The following ZNF225 variants were observed in gnomAD, a reference collection of about 807,000 sequenced individuals.
ZNF225 encodes the protein zinc finger protein 225.
ZNF225 carries 6 observed loss-of-function variants against 12.0 expected under a neutral mutation model. The observed-to-expected ratio is 0.50, with a 90% confidence interval of 0.27 to 0.98. The LOEUF is 0.98. ZNF225 is among the 50% of genes least tolerant of loss of function. ZNF225 has a pLI of 0.11. For missense variants in ZNF225, 763 were observed against 848.2 expected (o/e 0.90, Z 1.25); for synonymous variants, 271 against 283.2 (o/e 0.96, Z 0.43).
intron 4 of ZNF225, among the ~76,000 whole-genome samples, chr19:44,123,793 T>C (rs914929550): frequency 6.6e-6 from 1 of 152,224 alleles, no homozygotes; most frequent in Non-Finnish European, 1.5e-5. Context: ...GTGTTCACAG[T>C]AGCCTAGAAT....
intron 2 of ZNF225, among the ~76,000 whole-genome samples, chr19:44,116,475 T>A (rs141138833): frequency 6.6e-6 from 1 of 152,304 alleles, no homozygotes; most frequent in Non-Finnish European, 1.5e-5. Flanking sequence ...ACCATAGTCA[T>A]GATAGAAAAT....
At chr19:44,117,651 C>T (rs1019735651) in intron 2 of ZNF225, among the ~76,000 whole-genome samples, 12 of 152,208 alleles carry the variant, frequency 7.9e-5, no homozygotes, top group Non-Finnish European at 1.3e-4. Context: ...TACAGGAGGT[C>T]TTTTCCATCA....
intron 2 of ZNF225, among the ~76,000 whole-genome samples, chr19:44,117,838 G>T (rs1186893277): frequency 6.6e-6 from 1 of 152,104 alleles, no homozygotes; most frequent in Admixed American, 6.5e-5. Flanking sequence ...GGCCAATGTG[G>T]TGAAACCCCA....
chr19:44,129,302 C>T (rs1472297482), intron 4 of ZNF225: 1 of 387,112 alleles, frequency 2.6e-6, no homozygotes, highest in African/African-American at 2.1e-5. Context: ...ATGACAAATT[C>T]AGTGGTTTCC....
intron 2 of ZNF225, among the ~76,000 whole-genome samples, chr19:44,117,745 G>T (rs1178766415): frequency 6.6e-6 from 1 of 152,180 alleles, no homozygotes; most frequent in Non-Finnish European, 1.5e-5. Flanking sequence ...CTGGCTGGGC[G>T]CAGTGGCTCA....
In ZNF225 at chr19:44,131,574, A is replaced by T. The variant is rs748740525; in HGVS notation, c.960A>T (p.Thr320=). 6.2e-7 allele frequency: 1 copy of T among 1,614,164 alleles called. No homozygotes were observed. Among genetic ancestry groups the T allele is most frequent in the East Asian group, 2.2e-5 (1 of 44,884 alleles). Residue 320 remains threonine, a synonymous_variant, in exon 5 of 5, where the codon ACA becomes ACT. Transcript: ENST00000262894. ...HMREKPFRCD[T]CGKSFGLKSA... ...GAGAGAAACCATTCAGATGTGATAC[A>T]TGTGGTAAGAGCTTTGGTCTGAAAT...
At chr19:44,118,966 G>A (rs1008857334) in intron 4 of ZNF225, among the ~76,000 whole-genome samples, 30 of 152,100 alleles carry the variant, frequency 2.0e-4, no homozygotes, top group South Asian at 1.0e-3. Flanking sequence ...ACAGATGCCC[G>A]CCACCACGCC....
At chr19:44,120,704 A>C (rs757832100) in intron 4 of ZNF225, among the ~76,000 whole-genome samples, 5 of 151,980 alleles carry the variant, frequency 3.3e-5, no homozygotes, top group Non-Finnish European at 5.9e-5. Context: ...TTGGAGCTTT[A>C]TGTTTTTATT....
Position 44,118,591 on chromosome 19 carries a change from T to C in ZNF225, c.235+17T>C. The C allele has an allele frequency of 1.2e-6, 2 of 1,606,206 alleles. No homozygotes were observed. Among genetic ancestry groups the C allele is most frequent in the South Asian group, 1.1e-5 (1 of 90,974 alleles). On this transcript the variant is annotated intron_variant, in intron 4 of 4. Transcript: ENST00000262894. ...GGAATTTAGGTAAGAAGCAAGCAAC[T>C]CTGTGTCCTTGTGCGTGACTCTCCC...
chr19:44,118,507 T>C lies in ZNF225; in HGVS notation c.168T>C (p.Thr56=), dbSNP rs762208576. 6.2e-6 allele frequency: 10 copies of C among 1,613,588 alleles called. No individual in the cohort carries two copies. The African/African-American group carries it at 8.0e-5, about 13-fold the overall frequency. Residue 56 remains threonine (T), a synonymous_variant, in exon 4 of 5, where the codon ACT becomes ACC. Coordinates refer to ENST00000262894, the MANE Select transcript of ZNF225 (RefSeq NM_013362.4). ...SVGHQSLHRD[T]FHFLKEEKFW... is the part of the protein sequence containing the mutation. ...GGCATCAATCACTCCACAGAGATAC[T>C]TTCCACTTCCTAAAGGAAGAAAAGT... is the stretch of plus-strand genomic sequence containing the variant.
At chr19:44,113,049 C>G (rs546692880), upstream of ZNF225, 1 of 152,286 alleles carries the variant, frequency 6.6e-6, no homozygotes, top group South Asian at 2.1e-4. Context: ...GTGGGCACCT[C>G]GGAGTGGCAA....
chr19:44,115,755 T>G lies in ZNF225; in HGVS notation c.-68-5T>G. On this transcript the variant is annotated splice_region_variant and splice_polypyrimidine_tract_variant and intron_variant, in intron 1 of 4. Transcript: ENST00000262894. ...TCTTTTTCTGCCTTCCCTGGTACTT[T>G]CCAGGCAGGATTCTGCTTTCCCTTG... The G allele has an allele frequency of 2.0e-6, 3 of 1,498,448 alleles. No homozygotes were observed. Among genetic ancestry groups the G allele is most frequent in the Non-Finnish European group, 2.7e-6 (3 of 1,102,008 alleles). 92.8% of individuals were successfully genotyped at this position (1,498,448 alleles called of 1,614,324 possible).
chr19:44,119,819 G>A (rs775725860), intron 4 of ZNF225, among the ~76,000 whole-genome samples: 1 of 152,138 alleles, frequency 6.6e-6, no homozygotes, highest in Non-Finnish European at 1.5e-5. Flanking sequence ...TTGCTTTTCT[G>A]TCTGATCAGA....
At position 44,132,702 on chromosome 19, in the gene ZNF225, T is replaced by TA. The variant is rs1968311350; in HGVS notation, c.2089dup (p.Thr697AsnfsTer9). ...GCTACAAGAGGCGCTTGAATCTTGA[T>TA]ACGCTTTTGTCATTATTTTTAAATG... On this transcript the variant is annotated frameshift_variant, in exon 5 of 5. Transcript: ENST00000262894. LOFTEE classifies it high-confidence loss of function. The TA allele has an allele frequency of 4.4e-6, 7 of 1,606,646 alleles. No individual in the cohort carries two copies. The highest frequency in any genetic ancestry group is 5.9e-6 in the Non-Finnish European group (7 of 1,177,480).
intron 1 of ZNF225, among the ~76,000 whole-genome samples, chr19:44,115,116 T>C (rs1967915549): frequency 6.6e-6 from 1 of 152,198 alleles, no homozygotes. Flanking sequence ...CTATAAATAT[T>C]CTATCAGTGT....
At chr19:44,122,883 C>T (rs1968081977) in intron 4 of ZNF225, among the ~76,000 whole-genome samples, 1 of 152,034 alleles carries the variant, frequency 6.6e-6, no homozygotes, top group Non-Finnish European at 1.5e-5. Context: ...TTTATCAGTT[C>T]CAGGAGCTTT....
chr19:44,122,416 G>A (rs1968073128), intron 4 of ZNF225, among the ~76,000 whole-genome samples: 1 of 152,166 alleles, frequency 6.6e-6, no homozygotes, highest in Non-Finnish European at 1.5e-5. Flanking sequence ...AGTATAGTTT[G>A]AAATCAGTTA....
intron 4 of ZNF225, 93 bp from the exon 5 acceptor site, chr19:44,130,757 T>C (rs2147575215): frequency 1.8e-6 from 2 of 1,083,272 alleles, no homozygotes; most frequent in Non-Finnish European, 2.7e-6. Context: ...CCTATATTTA[T>C]TAAAATTTCA....
intron 4 of ZNF225, among the ~76,000 whole-genome samples, chr19:44,123,188 G>A (rs1352741701): frequency 7.9e-5 from 12 of 152,038 alleles, no homozygotes; most frequent in Non-Finnish European, 1.5e-4. Context: ...GATTTTGTGA[G>A]TTTTAATCAT....
Sources: allele counts gnomAD v4.1 joint callset (sites outside exome capture counted in the v4.1 genomes callset), GRCh38; gene constraint gnomAD v4.1.1; transcripts MANE v1.5; gene names NCBI Gene and HGNC (gene_info 2026-07-23, HGNC 2026-07-21).